The following NR2F1-AS1 variants were observed in gnomAD, a reference collection of about 807,000 sequenced individuals.
NR2F1-AS1 encodes the protein NR2F1 antisense RNA 1.
intron 4 of NR2F1-AS1, among the ~76,000 whole-genome samples, chr5:93,511,579 T>C (rs1325281968): frequency 6.6e-6 from 1 of 152,176 alleles, no homozygotes; most frequent in Non-Finnish European, 1.5e-5. Flanking sequence ...AATTGCCTAG[T>C]GACACTGTAG....
intron 4 of NR2F1-AS1, among the ~76,000 whole-genome samples, chr5:93,533,771 T>A (rs1341334817): frequency 2.6e-5 from 4 of 152,148 alleles, no homozygotes; most frequent in African/African-American, 9.7e-5. Context: ...TTAGGATATA[T>A]CTCTAGTAAG....
chr5:93,469,522 T>A (rs1007254251), intron 4 of NR2F1-AS1, among the ~76,000 whole-genome samples: 8 of 151,908 alleles, frequency 5.3e-5, no homozygotes, highest in Non-Finnish European at 8.8e-5. Context: ...CAACTAAAGC[T>A]CAGTAAACAA....
intron 2 of NR2F1-AS1, among the ~76,000 whole-genome samples, chr5:93,561,000 A>C (rs990108140): frequency 6.6e-6 from 1 of 152,220 alleles, no homozygotes; most frequent in Admixed American, 6.5e-5. Context: ...ATGGCCGGGC[A>C]TGGTGGCTCA....
At chr5:93,449,498 A>G (rs547431693) in intron 4 of NR2F1-AS1, among the ~76,000 whole-genome samples, 3 of 152,316 alleles carry the variant, frequency 2.0e-5, no homozygotes, top group African/African-American at 7.2e-5. Flanking sequence ...TATTAAATAT[A>G]TGCTCCTAAT....
intron 4 of NR2F1-AS1, among the ~76,000 whole-genome samples, chr5:93,497,388 G>C (rs139601214): frequency 6.6e-6 from 1 of 152,134 alleles, no homozygotes; most frequent in African/African-American, 2.4e-5. Flanking sequence ...CAAATATAAG[G>C]TTGTGTTCTC....
At chr5:93,555,746 G>A (rs1012635196) in intron 2 of NR2F1-AS1, among the ~76,000 whole-genome samples, 1 of 151,960 alleles carries the variant, frequency 6.6e-6, no homozygotes, top group Non-Finnish European at 1.5e-5. Context: ...CTCAAATCCA[G>A]GTACATATTT....
In NR2F1-AS1 at chr5:93,579,152, C is replaced by A. The variant is rs567747677; in HGVS notation, n.313+1315G>T. Among the ~76,000 whole-genome samples the A allele has an allele frequency of 6.6e-6, 1 of 152,300 alleles. No homozygotes were observed. Among genetic ancestry groups the A allele is most frequent in the African/African-American group, 2.4e-5 (1 of 41,564 alleles). On this transcript the variant is annotated intron_variant and non_coding_transcript_variant, in intron 1 of 5. Transcript: ENST00000660523. The surrounding 1 kb of genome is among the most constrained non-coding windows in gnomAD (Gnocchi z 5.1). ...GAGTTCCAGAGGGGGACAGCGCCCT[C>A]CTCGAAAAGCCTTGGTTTCTCCCCG... is the stretch of plus-strand genomic sequence containing the variant.
At chr5:93,442,567 C>T (rs1749596602) in intron 4 of NR2F1-AS1, among the ~76,000 whole-genome samples, 1 of 152,150 alleles carries the variant, frequency 6.6e-6, no homozygotes, top group Non-Finnish European at 1.5e-5. Context: ...TGGAGCCCAC[C>T]ACAGCTCAAG....
intron 4 of NR2F1-AS1, among the ~76,000 whole-genome samples, chr5:93,413,022 T>C (rs998922859): frequency 6.6e-6 from 1 of 151,094 alleles, no homozygotes; most frequent in African/African-American, 2.4e-5. Flanking sequence ...AGACCCTTCA[T>C]AGGAACTTCC....
At chr5:93,460,337 G>C (rs934905031) in intron 4 of NR2F1-AS1, among the ~76,000 whole-genome samples, 4 of 152,188 alleles carry the variant, frequency 2.6e-5, no homozygotes, top group Admixed American at 6.5e-5. Flanking sequence ...GCAGCACCGG[G>C]AAGGCTTAAA....
chr5:93,558,849 T>C (rs1752421967), intron 2 of NR2F1-AS1, among the ~76,000 whole-genome samples: 1 of 152,218 alleles, frequency 6.6e-6, no homozygotes, highest in Non-Finnish European at 1.5e-5. Context: ...AAATATTCAA[T>C]AAACTATGTG....
chr5:93,553,698 A>G (rs1233090289), intron 4 of NR2F1-AS1: 7 of 152,236 alleles, frequency 4.6e-5, no homozygotes, highest in Admixed American at 3.3e-4. Flanking sequence ...GTTGTTTGAT[A>G]ATGCTGCGAA....
At chr5:93,426,892 C>G (rs115568389) in intron 4 of NR2F1-AS1, among the ~76,000 whole-genome samples, 2,262 of 152,238 alleles carry the variant, frequency 0.015, 18 homozygotes, top group Non-Finnish European at 0.021. Context: ...AAAGTTCCCC[C>G]CCTCCCGCCA....
intron 4 of NR2F1-AS1, among the ~76,000 whole-genome samples, chr5:93,527,424 A>G (rs1012079343): frequency 2.6e-5 from 4 of 152,132 alleles, no homozygotes; most frequent in African/African-American, 7.2e-5. Context: ...TAATGCCAAA[A>G]GTAGTTTATA....
intron 4 of NR2F1-AS1, among the ~76,000 whole-genome samples, chr5:93,448,472 C>G (rs1749763251): frequency 6.6e-6 from 1 of 152,142 alleles, no homozygotes; most frequent in Admixed American, 6.5e-5. Context: ...CCTTGTCTAG[C>G]CTCAATTGTG....
intron 4 of NR2F1-AS1, among the ~76,000 whole-genome samples, chr5:93,486,480 ACTAGAAAAT>A (rs1750720462): frequency 6.6e-6 from 1 of 152,138 alleles, no homozygotes; most frequent in Non-Finnish European, 1.5e-5. Context: ...ACGCAAATAA[ACTAGAAAAT>A]CTAGAAGAAA....
intron 3 of NR2F1-AS1, among the ~76,000 whole-genome samples, chr5:93,554,595 C>T (rs556520287): frequency 9.2e-5 from 14 of 152,006 alleles, no homozygotes; most frequent in Non-Finnish European, 2.1e-4. Flanking sequence ...AGATTAACAA[C>T]TTAAAAATTA....
At chr5:93,492,293 G>T (rs1750867961) in intron 4 of NR2F1-AS1, among the ~76,000 whole-genome samples, 1 of 152,118 alleles carries the variant, frequency 6.6e-6, no homozygotes, top group South Asian at 2.1e-4. Context: ...TTAACAGACA[G>T]ACTCAGTATT....
intron 4 of NR2F1-AS1, chr5:93,423,306 G>A (rs1195515490): frequency 6.6e-6 from 1 of 152,196 alleles, no homozygotes; most frequent in African/African-American, 2.4e-5. Context: ...GAAGCTGCTA[G>A]TGTGAGCATA....
Sources: allele counts gnomAD v4.1 joint callset (sites outside exome capture counted in the v4.1 genomes callset), GRCh38; gene constraint gnomAD v4.1.1; non-coding constraint Gnocchi (gnomAD v3.1); transcripts MANE v1.5; gene names NCBI Gene and HGNC (gene_info 2026-07-23, HGNC 2026-07-21).